UGT3A2: variants seen among roughly 807,000 people sequenced by gnomAD.
The protein encoded by UGT3A2 is UDP-glycosyltransferase 3A2.
In UGT3A2, 32 loss-of-function variants were observed where a neutral mutation model predicts 39.8. That is an observed-to-expected ratio of 0.80 (90% CI 0.61 to 1.08). The LOEUF is 1.08. UGT3A2 is among the 50% of genes least tolerant of loss of function. The pLI, the probability that UGT3A2 is intolerant of heterozygous loss-of-function variation, is 0.00. For missense variants in UGT3A2, 611 were observed against 637.1 expected (o/e 0.96, Z 0.44); for synonymous variants, 241 against 230.7 (o/e 1.04, Z -0.40).
chr5:36,040,334 C>A (rs1741967278), intron 4 of UGT3A2, among the ~76,000 whole-genome samples: 1 of 151,904 alleles, frequency 6.6e-6, no homozygotes, highest in African/African-American at 2.4e-5. Context: ...AGAATAGAAC[C>A]CTGAAGTGAT....
intron 2 of UGT3A2, among the ~76,000 whole-genome samples, chr5:36,054,811 G>T (rs1341922758): frequency 6.6e-6 from 1 of 152,196 alleles, no homozygotes; most frequent in Non-Finnish European, 1.5e-5. Context: ...TAGAAGCTCT[G>T]CCATCTGGGC....
intron 6 of UGT3A2, among the ~76,000 whole-genome samples, chr5:36,037,277 G>C (rs1198880626): frequency 1.3e-5 from 2 of 152,144 alleles, no homozygotes; most frequent in Admixed American, 6.5e-5. Context: ...ACCTTAAGAA[G>C]TGTTAAGAAG....
At chr5:36,053,035 G>T (rs1742398563) in intron 2 of UGT3A2, among the ~76,000 whole-genome samples, 1 of 152,152 alleles carries the variant, frequency 6.6e-6, no homozygotes, top group South Asian at 2.1e-4. Context: ...CACAATGCAT[G>T]GCTACTCATA....
At chr5:36,066,511 C>A (rs1742882620) in intron 1 of UGT3A2, among the ~76,000 whole-genome samples, 185 bp downstream of exon 1, 1 of 152,182 alleles carries the variant, frequency 6.6e-6, no homozygotes, top group Non-Finnish European at 1.5e-5. Flanking sequence ...CTTTCTTCCC[C>A]ACCTCAGCAA....
intron 3 of UGT3A2, 114 bp downstream of exon 3, chr5:36,051,756 A>G (rs1181135421): frequency 3.9e-6 from 3 of 777,988 alleles, no homozygotes; most frequent in Non-Finnish European, 6.3e-6. Flanking sequence ...CCATCCATCC[A>G]TCCATCCATT....
chr5:36,051,533 T>C (rs1002335294), intron 3 of UGT3A2, among the ~76,000 whole-genome samples: 8 of 152,236 alleles, frequency 5.3e-5, no homozygotes, highest in African/African-American at 1.9e-4. Flanking sequence ...GGGGAGATTA[T>C]AGGCAATTGT....
intron 4 of UGT3A2, among the ~76,000 whole-genome samples, chr5:36,042,343 C>T (rs535405885): frequency 6.6e-6 from 1 of 152,132 alleles, no homozygotes; most frequent in South Asian, 2.1e-4. Context: ...TAAGATGTTA[C>T]TTGCAAGCCT....
intron 2 of UGT3A2, among the ~76,000 whole-genome samples, chr5:36,057,960 ATAC>A (rs571206068): frequency 3.1e-3 from 468 of 152,340 alleles, no homozygotes; most frequent in African/African-American, 0.011. Flanking sequence ...AAAAATGAAT[ATAC>A]TACAACTATT....
chr5:36,039,601 G>A lies in UGT3A2; in HGVS notation c.951C>T (p.Asn317=), dbSNP rs937082434. ...CTTGGGGTAGGTGAGCAAAGGCATT[G>A]TTCATCTCCTTGAAGATTTCCGGAT... ...CQNPEIFKEM[N]NAFAHLPQGV... The change falls in exon 5 of 7, where the codon AAC becomes AAT. Residue 317 remains asparagine, a synonymous_variant. Coordinates refer to ENST00000282507, the MANE Select transcript of UGT3A2 (RefSeq NM_174914.4). 1 of 1,614,186 alleles carries A rather than the reference G, an allele frequency of 6.2e-7. No individual in the cohort carries two copies. Among genetic ancestry groups the A allele is most frequent in the Non-Finnish European group, 8.5e-7 (1 of 1,180,042 alleles).
At chr5:36,060,027 G>A (rs1225809341) in intron 2 of UGT3A2, among the ~76,000 whole-genome samples, 1 of 152,164 alleles carries the variant, frequency 6.6e-6, no homozygotes, top group Admixed American at 6.5e-5. Flanking sequence ...GGACCAACTG[G>A]AGTCACACTC....
At chr5:36,039,852 C>T (rs1741952422) in intron 4 of UGT3A2, 144 bp from the exon 5 acceptor site, 9 of 658,006 alleles carry the variant, frequency 1.4e-5, no homozygotes, top group East Asian at 5.4e-5. Flanking sequence ...TAGTATAGCT[C>T]GATACTAGCT....
rs777580502 is a variant in UGT3A2 at position 36,035,765 on chromosome 5, A to C, written c.1505T>G (p.Leu502Arg). The C allele has an allele frequency of 6.2e-7, 1 of 1,614,110 alleles. No individual in the cohort carries two copies. The highest frequency in any genetic ancestry group is 1.1e-5 in the South Asian group (1 of 91,070). Residue 502 changes from leucine to arginine, a missense_variant, in exon 7 of 7, where the codon CTT becomes CGT. Physicochemically the swap from Leu to Arg is moderately radical, Grantham distance 102 (BLOSUM62 -2). Coordinates refer to ENST00000282507, the MANE Select transcript of UGT3A2 (RefSeq NM_174914.4). The stretch of plus-strand genomic sequence containing the variant: ...AGCCATGCCCAGCAGCTTCCCACAA[A>C]GCCATAGAGTCCCCAGAGTGAGCCC... ...LLGLTLGTLWLCGKLLGMAVW... is the reference protein window; with the variant it reads ...LLGLTLGTLWRCGKLLGMAVW...
intron 3 of UGT3A2, 134 bp downstream of exon 3, chr5:36,051,724 ATCCATCCATCCG>A (rs1042885468): frequency 1.8e-4 from 115 of 626,018 alleles, no homozygotes; most frequent in Non-Finnish European, 2.9e-4. Context: ...CCATCTATCA[ATCCATCCATCCG>A]TCCATCCATC....
rs1742628381 is a variant in UGT3A2, at chr5:36,059,755, G to C, written c.196+4494C>G. 2.0e-5 allele frequency among the ~76,000 whole-genome samples: 3 copies of C among 152,220 alleles called. No homozygotes were observed. In the South Asian group the frequency reaches 6.2e-4, roughly 31 times the overall value. On this transcript the variant is annotated intron_variant, in intron 2 of 6. Transcript: ENST00000282507. ...CAAAAGAGGCAGAAGCTGAATTGTA[G>C]CTTGTGGAGCAGATGCTTCAGCAAC...
At chr5:36,045,219 A>G (rs1010195695) in intron 4 of UGT3A2, among the ~76,000 whole-genome samples, 4 of 152,212 alleles carry the variant, frequency 2.6e-5, no homozygotes, top group African/African-American at 7.2e-5. Flanking sequence ...AAGGGTGCCA[A>G]GAACATAAAG....
intron 2 of UGT3A2, among the ~76,000 whole-genome samples, chr5:36,054,243 C>T (rs1397527070): frequency 1.3e-5 from 2 of 152,196 alleles, no homozygotes; most frequent in Non-Finnish European, 2.9e-5. Context: ...ATATTAATCA[C>T]ATCTGCAAAG....
At chr5:36,041,437 T>C (rs778924287) in intron 4 of UGT3A2, among the ~76,000 whole-genome samples, 4 of 152,150 alleles carry the variant, frequency 2.6e-5, no homozygotes, top group Non-Finnish European at 4.4e-5. Context: ...TGAGGTCCAG[T>C]GCTGTGTTGG....
chr5:36,055,139 C>T (rs76361507), intron 2 of UGT3A2, among the ~76,000 whole-genome samples: 1 of 145,682 alleles, frequency 6.9e-6, no homozygotes, highest in African/African-American at 2.5e-5. Flanking sequence ...GACTTCATCT[C>T]AAAAAAAAAA....
intron 2 of UGT3A2, among the ~76,000 whole-genome samples, chr5:36,052,615 AC>A (rs1742381833): frequency 6.6e-6 from 1 of 152,164 alleles, no homozygotes; most frequent in African/African-American, 2.4e-5. Flanking sequence ...GCAAGTCAGG[AC>A]AATGAAAGGA....
Sources: allele counts gnomAD v4.1 joint callset (sites outside exome capture counted in the v4.1 genomes callset), GRCh38; gene constraint gnomAD v4.1.1; transcripts MANE v1.5; gene names NCBI Gene and HGNC (gene_info 2026-07-23, HGNC 2026-07-21).